OBI1: variants seen among roughly 807,000 people sequenced by gnomAD.
OBI1 encodes the protein ORC ubiquitin ligase 1, also known as ring finger protein 219.
Under a neutral mutation model 62.4 loss-of-function variants are expected in OBI1, and 59 were observed. That is an observed-to-expected ratio of 0.95 (90% CI 0.77 to 1.17). OBI1 has a LOEUF of 1.17. Ranked by LOEUF, OBI1 falls within the 50% of genes most tolerant of loss-of-function variation. The probability of loss-of-function intolerance (pLI) is 0.00; values close to 1 mark genes in which losing one functional copy is unlikely to be tolerated. For missense variants in OBI1, 875 were observed against 830.9 expected (o/e 1.05, Z -0.65); for synonymous variants, 302 against 292.8 (o/e 1.03, Z -0.32).
chr13:78,649,953 T>G (rs2137466685), intron 1 of OBI1, among the ~76,000 whole-genome samples: 1 of 152,252 alleles, frequency 6.6e-6, no homozygotes, highest in Admixed American at 6.5e-5. Flanking sequence ...GGGAAGTGGG[T>G]TACAGATTTG....
chr13:78,615,733 G>C lies in OBI1; in HGVS notation c.2028C>G (p.Ser676=), dbSNP rs375136553. Reference sequence around the variant, plus strand: ...GGTTATGAAGACTGTGCATCTCTGAGGACATCTTAAACAAAGATGACCCAA... The same window carrying C: ...GGTTATGAAGACTGTGCATCTCTGACGACATCTTAAACAAAGATGACCCAA... ...QRFGSSLFKM[S]SEMHSLHNHL... Residue 676 remains serine (S), a synonymous_variant, in exon 6 of 6, where the codon TCC becomes TCG. Coordinates refer to ENST00000282003, the MANE Select transcript of OBI1 (RefSeq NM_024546.4). 4.3e-6 allele frequency: 7 copies of C among 1,614,068 alleles called. No homozygotes were observed. Among genetic ancestry groups the C allele is most frequent in the Non-Finnish European group, 5.1e-6 (6 of 1,179,974 alleles).
chr13:78,634,094 C>CAA (rs773650945), intron 5 of OBI1, among the ~76,000 whole-genome samples: 5 of 86,350 alleles, frequency 5.8e-5, no homozygotes, highest in Non-Finnish European at 1.0e-4. Context: ...AAACAAAAAA[C>CAA]AAAAAAAAAA....
intron 5 of OBI1, among the ~76,000 whole-genome samples, chr13:78,632,309 G>C (rs534337262): frequency 1.3e-5 from 2 of 152,236 alleles, no homozygotes; most frequent in East Asian, 1.9e-4. Context: ...TTCTGATGTG[G>C]AACTTCTAGC....
In OBI1 at chr13:78,617,483, C is replaced by T. The variant is rs1369656965; in HGVS notation, c.639-361G>A. ...AAACAATGGCAAAGATTTATGATAA[C>T]ATTTGAACAGTGGTCTACATCTTGA... On this transcript the variant is annotated intron_variant, in intron 5 of 5. Transcript: ENST00000282003. Among the ~76,000 whole-genome samples the T allele has an allele frequency of 3.9e-5, 6 of 152,220 alleles. No individual in the cohort carries two copies. In the East Asian group the frequency reaches 1.2e-3, roughly 29 times the overall value.
At chr13:78,631,160 C>T (rs1875835781) in intron 5 of OBI1, among the ~76,000 whole-genome samples, 1 of 152,000 alleles carries the variant, frequency 6.6e-6, no homozygotes, top group Non-Finnish European at 1.5e-5. Flanking sequence ...AGGAGTTATG[C>T]TTTTTTCATT....
At position 78,616,483 on chromosome 13, in the gene OBI1, C is replaced by A. The variant is rs767737592; in HGVS notation, c.1278G>T (p.Leu426Phe). ...SKKHSNHLRK[L>F]VFDDFCDSSN... The stretch of plus-strand genomic sequence containing the variant: ...AAGAATCACAAAAATCATCAAACAC[C>A]AATTTTCTGAGATGGTTTGAGTGCT... Residue 426 changes from leucine (L) to phenylalanine (F), a missense_variant, in exon 6 of 6, where the codon TTG (leucine) becomes TTT (phenylalanine). By Grantham distance (22) the Leu-to-Phe change is conservative (BLOSUM62 0). Transcript: ENST00000282003. The A allele has an allele frequency of 5.0e-6, 8 of 1,613,998 alleles. No individual in the cohort carries two copies. Among genetic ancestry groups the A allele is most frequent in the African/African-American group, 1.3e-5 (1 of 75,012 alleles).
At chr13:78,647,916 T>C (rs1876431814) in intron 1 of OBI1, among the ~76,000 whole-genome samples, 1 of 152,170 alleles carries the variant, frequency 6.6e-6, no homozygotes, top group South Asian at 2.1e-4. Context: ...TAATCTGGAA[T>C]AGATTTAAAC....
intron 5 of OBI1, among the ~76,000 whole-genome samples, chr13:78,630,848 A>C (rs923993954): frequency 9.2e-5 from 14 of 152,196 alleles, no homozygotes; most frequent in African/African-American, 3.1e-4. Context: ...AAAAGGACTA[A>C]CATAAATGGT....
intron 5 of OBI1, among the ~76,000 whole-genome samples, chr13:78,633,960 G>A (rs531383383): frequency 4.0e-4 from 61 of 151,874 alleles, no homozygotes; most frequent in African/African-American, 1.2e-3. Flanking sequence ...CCAGCTATTC[G>A]GGAGGCTGAG....
intron 1 of OBI1, among the ~76,000 whole-genome samples, chr13:78,646,241 A>C (rs971530591): frequency 8.5e-5 from 13 of 152,140 alleles, no homozygotes; most frequent in African/African-American, 2.9e-4. Flanking sequence ...TTTATTGTCT[A>C]TCTCCCTTAT....
At chr13:78,617,590 A>C (rs1384228993) in intron 5 of OBI1, among the ~76,000 whole-genome samples, 1 of 152,238 alleles carries the variant, frequency 6.6e-6, no homozygotes, top group African/African-American at 2.4e-5. Flanking sequence ...TGTCAAACAT[A>C]AAATGCCAAT....
chr13:78,623,366 T>G (rs1017694156), intron 5 of OBI1, among the ~76,000 whole-genome samples: 23 of 151,802 alleles, frequency 1.5e-4, no homozygotes, highest in Admixed American at 1.1e-3. Context: ...TGACTACTAT[T>G]GACAATGATG....
intron 3 of OBI1, among the ~76,000 whole-genome samples, chr13:78,641,141 G>A (rs1428938602): frequency 6.6e-6 from 1 of 152,070 alleles, no homozygotes; most frequent in African/African-American, 2.4e-5. Flanking sequence ...AAACCCCCAA[G>A]TAGCTCAAGT....
intron 2 of OBI1, among the ~76,000 whole-genome samples, chr13:78,643,511 G>A (rs1398830367): frequency 6.6e-6 from 1 of 152,124 alleles, no homozygotes; most frequent in Non-Finnish European, 1.5e-5. Flanking sequence ...ATCTTGGCTG[G>A]GCACGGTGGC....
At chr13:78,625,888 A>C (rs1458528862) in intron 5 of OBI1, among the ~76,000 whole-genome samples, 1 of 152,220 alleles carries the variant, frequency 6.6e-6, no homozygotes, top group Non-Finnish European at 1.5e-5. Flanking sequence ...ATAAACAAAA[A>C]AGGCCAGAAT....
At chr13:78,652,732 G>A (rs911187172) in intron 1 of OBI1, among the ~76,000 whole-genome samples, 2 of 152,096 alleles carry the variant, frequency 1.3e-5, no homozygotes, top group Non-Finnish European at 2.9e-5. Context: ...TCACATTTGG[G>A]TTCATGCTCC....
intron 1 of OBI1, among the ~76,000 whole-genome samples, chr13:78,648,111 T>A (rs1876437504): frequency 6.6e-6 from 1 of 152,186 alleles, no homozygotes; most frequent in Admixed American, 6.5e-5. Context: ...AACCTGAACT[T>A]TCTTTGCAGG....
At chr13:78,629,036 A>C (rs972103363) in intron 5 of OBI1, among the ~76,000 whole-genome samples, 1 of 152,170 alleles carries the variant, frequency 6.6e-6, no homozygotes. Context: ...CAAAAAAGGA[A>C]GCAAGCCCAG....
chr13:78,635,589 C>A (rs955277732), intron 4 of OBI1, among the ~76,000 whole-genome samples: 1 of 152,104 alleles, frequency 6.6e-6, no homozygotes, highest in African/African-American at 2.4e-5. Flanking sequence ...AGAGTTAATT[C>A]TTGAGCTTTG....
Sources: gnomAD v4.1 joint callset for allele counts (sites outside exome capture counted in the v4.1 genomes callset) on GRCh38, gnomAD v4.1.1 for gene constraint, MANE v1.5 for transcripts, NCBI Gene and HGNC (gene_info 2026-07-23, HGNC 2026-07-21) for gene names.